The following SMAD4 variants were observed in gnomAD, a reference collection of about 807,000 sequenced individuals.
SMAD4 encodes MAD homolog 4.
In SMAD4, 7 loss-of-function variants were observed where a neutral mutation model predicts 63.2. That is an observed-to-expected ratio of 0.11 (90% confidence interval 0.06 to 0.21). The LOEUF (loss-of-function observed/expected upper bound fraction) is 0.21. Among genes scored for constraint, SMAD4 ranks in the 10% least tolerant of loss-of-function variants. The pLI is 1.00. For synonymous variants in SMAD4, 215 were observed against 235.4 expected (o/e 0.91, Z 0.79); for missense variants, 312 against 693.8 (o/e 0.45, Z 6.18).
chr18:51,060,367 C>G (rs1434743736), intron 8 of SMAD4, among the ~76,000 whole-genome samples: 1 of 152,130 alleles, frequency 6.6e-6, no homozygotes, highest in Non-Finnish European at 1.5e-5. Context: ...GAGTAAATCG[C>G]TAAGTAGCTT....
Position 51,065,572 on chromosome 18 carries a change from A to C in SMAD4, c.1105A>C (p.Asn369His). 6.2e-7 allele frequency: 1 copy of C among 1,614,254 alleles called. No homozygotes were observed. The highest frequency in any genetic ancestry group is 8.5e-7 in the Non-Finnish European group (1 of 1,180,040). ...TCGCTTTTGTTTGGGTCAACTCTCCAATGTCCACAGGACAGAAGCCATTGA... is the reference window on the plus strand; with the variant it reads ...TCGCTTTTGTTTGGGTCAACTCTCCCATGTCCACAGGACAGAAGCCATTGA... The part of the protein sequence containing the change: ...GDRFCLGQLS[N>H]VHRTEAIERA... Residue 369 changes from asparagine (N) to histidine (H), a missense_variant, in exon 9 of 12, where the codon AAT becomes CAT. Physicochemically the swap from Asn to His is moderately conservative, Grantham distance 68 (BLOSUM62 1). This residue lies in a region of SMAD4 where 92 missense variants were observed against 305.9 expected (regional missense o/e 0.30). Coordinates refer to ENST00000342988, the MANE Select transcript of SMAD4 (RefSeq NM_005359.6).
intron 4 of SMAD4, chr18:51,049,645 G>C: frequency 3.3e-6 from 1 of 303,340 alleles, no homozygotes; most frequent in Non-Finnish European, 6.2e-6. Context: ...AAATCTCACA[G>C]AGCCAGTTTA....
At chr18:51,040,955 T>C (rs1457437435) in intron 1 of SMAD4, among the ~76,000 whole-genome samples, 1 of 152,256 alleles carries the variant, frequency 6.6e-6, no homozygotes, top group South Asian at 2.1e-4. Context: ...TTGAGTTATC[T>C]AGAAATGGGT....
intron 5 of SMAD4, among the ~76,000 whole-genome samples, chr18:51,056,923 T>TAGCTAA (rs777477735): frequency 6.6e-6 from 1 of 152,188 alleles, no homozygotes; most frequent in Non-Finnish European, 1.5e-5. Context: ...TTTTGTAAGT[T>TAGCTAA]AGCTAAGAGT....
chr18:51,058,074 A>G (rs1909888133), intron 5 of SMAD4, 51 bp from the exon 6 acceptor site: 1 of 1,608,512 alleles, frequency 6.2e-7, no homozygotes, highest in African/African-American at 1.3e-5. Context: ...ATATGAAATC[A>G]TAAGATGACA....
intron 5 of SMAD4, among the ~76,000 whole-genome samples, chr18:51,055,993 A>G (rs1296766399): frequency 1.3e-5 from 2 of 152,194 alleles, no homozygotes; most frequent in Non-Finnish European, 2.9e-5. Flanking sequence ...AATTCATTAC[A>G]CCACTTCAAA....
chr18:51,068,305 T>G (rs1568209084), intron 10 of SMAD4, among the ~76,000 whole-genome samples: 1 of 152,204 alleles, frequency 6.6e-6, no homozygotes, highest in Non-Finnish European at 1.5e-5. Flanking sequence ...TATCAGCACT[T>G]TACCAATCTT....
intron 10 of SMAD4, among the ~76,000 whole-genome samples, chr18:51,074,429 A>G (rs1264688199): frequency 6.6e-6 from 1 of 152,218 alleles, no homozygotes; most frequent in South Asian, 2.1e-4. Context: ...AAGCATATGA[A>G]AAGGTGTTCA....
chr18:51,038,928 G>A (rs1212956684), intron 1 of SMAD4, among the ~76,000 whole-genome samples: 1 of 152,170 alleles, frequency 6.6e-6, no homozygotes, highest in Non-Finnish European at 1.5e-5. Context: ...CCAACATGAC[G>A]AAACCCTTTC....
intron 8 of SMAD4, among the ~76,000 whole-genome samples, chr18:51,065,165 GA>G (rs1166502027): frequency 6.6e-6 from 1 of 151,854 alleles, no homozygotes; most frequent in Non-Finnish European, 1.5e-5. Flanking sequence ...AGAACTTGAG[GA>G]TAAGTGGTAA....
intron 1 of SMAD4, among the ~76,000 whole-genome samples, chr18:51,045,542 T>G (rs1030926929): frequency 1.3e-5 from 2 of 150,314 alleles, no homozygotes; most frequent in Non-Finnish European, 1.5e-5. Context: ...TCAGTTTTTG[T>G]TATTTTAATT....
intron 8 of SMAD4, among the ~76,000 whole-genome samples, chr18:51,061,181 A>T (rs1254227834): frequency 2.0e-5 from 3 of 152,234 alleles, no homozygotes. Flanking sequence ...AAGATGGGGT[A>T]TACATCCCTT....
At position 51,083,139 on chromosome 18, in the gene SMAD4, A is replaced by G. The variant is rs1468148482; in HGVS notation, c.*4672A>G. ...TTCCACTTGAATGCTGCTCTTACAA[A>G]AACTGGGGTTACAAGGGTTACTAAA... On this transcript the variant is annotated 3_prime_UTR_variant, in exon 12 of 12. Coordinates refer to ENST00000342988, the MANE Select transcript of SMAD4 (RefSeq NM_005359.6). 1 of 226,206 alleles carries G rather than the reference A, an allele frequency of 4.4e-6. No individual in the cohort carries two copies. The highest frequency in any genetic ancestry group is 8.8e-6 in the Non-Finnish European group (1 of 113,718). The allele number at this position is 226,206 out of a possible 1,614,324, so 14.0% of individuals were successfully genotyped here. A position where few individuals can be genotyped will look rare whatever the true frequency, so the allele number is the denominator to read the frequency against.
chr18:51,037,591 A>C (rs1909242626), intron 1 of SMAD4, among the ~76,000 whole-genome samples: 1 of 152,192 alleles, frequency 6.6e-6, no homozygotes, highest in Admixed American at 6.5e-5. Context: ...AAAAATCTCT[A>C]CCTTGGAGTA....
At chr18:51,058,026 G>C in intron 5 of SMAD4, 99 bp from the exon 6 acceptor site, 1 of 1,410,960 alleles carries the variant, frequency 7.1e-7, no homozygotes, top group Non-Finnish European at 1.0e-6. Context: ...CATCTTTATA[G>C]TTGTGCATTA....
intron 5 of SMAD4, among the ~76,000 whole-genome samples, chr18:51,056,693 C>T (rs1909856368): frequency 6.9e-6 from 1 of 144,636 alleles, no homozygotes; most frequent in Non-Finnish European, 1.5e-5. Context: ...AGAAGTTGAA[C>T]TAAAATAGAA....
rs534145759 is a variant in SMAD4, at chr18:51,083,539, C to G, written c.*5072C>G. On this transcript the variant is annotated 3_prime_UTR_variant, in exon 12 of 12. Coordinates refer to ENST00000342988, the MANE Select transcript of SMAD4 (RefSeq NM_005359.6). Reference sequence around the variant, plus strand: ...TCATTTCTCTCTGTTGATGTGGATACTTTTCACACCGTTTATTTAAATGCT... The same window carrying G: ...TCATTTCTCTCTGTTGATGTGGATAGTTTTCACACCGTTTATTTAAATGCT... 92 of 224,364 alleles carry G rather than the reference C, an allele frequency of 4.1e-4. No homozygotes were observed. The highest frequency in any genetic ancestry group is 2.0e-3 in the African/African-American group (87 of 44,598). The allele number at this position is 224,364 out of a possible 1,614,324, so 13.9% of individuals were successfully genotyped here.
intron 1 of SMAD4, 46 bp downstream of exon 1, chr18:51,030,669 AC>A: frequency 6.7e-6 from 1 of 149,182 alleles, no homozygotes; most frequent in Non-Finnish European, 1.5e-5. Context: ...GGGCCCGCGC[AC>A]CCCGCCTGTG....
At chr18:51,066,888 A>C in intron 9 of SMAD4, 131 bp from the exon 10 acceptor site, 26 of 677,634 alleles carry the variant, frequency 3.8e-5, no homozygotes, top group Non-Finnish European at 6.0e-5. Context: ...CAAAAATGTT[A>C]ATAGCTATCT....
Sources: gnomAD v4.1 joint callset for allele counts (sites outside exome capture counted in the v4.1 genomes callset) on GRCh38, gnomAD v4.1.1 for gene constraint, gnomAD v4.1.1 regional missense constraint, MANE v1.5 for transcripts, NCBI Gene and HGNC (gene_info 2026-07-23, HGNC 2026-07-21) for gene names.